NRXN3: variants seen among roughly 807,000 people sequenced by gnomAD.
NRXN3 encodes the protein neurexin 3.
NRXN3 carries 32 observed loss-of-function variants against 137.6 expected under a neutral mutation model. The observed-to-expected ratio is 0.23, with a 90% CI of 0.18 to 0.31. NRXN3 has a LOEUF of 0.31. Ranked by LOEUF, NRXN3 falls within the 10% of genes least tolerant of loss-of-function variation. The pLI is 1.00. For missense variants in NRXN3, 1,574 were observed against 2,062.5 expected, an observed-to-expected ratio of 0.76 and a Z score of 4.59; for synonymous variants, 798 against 784.5, an observed-to-expected ratio of 1.02 and a Z score of -0.29.
intron 15 of NRXN3, among the ~76,000 whole-genome samples, chr14:79,358,290 T>C (rs1231607831): frequency 1.3e-5 from 2 of 151,884 alleles, no homozygotes; most frequent in African/African-American, 4.8e-5. Flanking sequence ...TGGCCGGGCA[T>C]GGTGGCTCAC....
intron 15 of NRXN3, among the ~76,000 whole-genome samples, chr14:79,434,800 G>A (rs2095817822): frequency 6.6e-6 from 1 of 152,202 alleles, no homozygotes; most frequent in South Asian, 2.1e-4. Context: ...TAAAGCCTCA[G>A]CCAGTCCCAC....
At chr14:78,642,261 T>C (rs1295777890) in intron 4 of NRXN3, among the ~76,000 whole-genome samples, 1 of 152,220 alleles carries the variant, frequency 6.6e-6, no homozygotes, top group African/African-American at 2.4e-5. Context: ...GGCAACTCAC[T>C]TATTTCTAGT....
intron 19 of NRXN3, 44 bp downstream of exon 19, chr14:79,697,981 T>C: frequency 6.5e-7 from 1 of 1,527,446 alleles, no homozygotes; most frequent in African/African-American, 1.4e-5. Flanking sequence ...ATTTTTATCT[T>C]TGCAACATTG....
chr14:79,332,558 T>C (rs1029231935), intron 15 of NRXN3, among the ~76,000 whole-genome samples: 1 of 152,248 alleles, frequency 6.6e-6, no homozygotes, highest in Non-Finnish European at 1.5e-5. Flanking sequence ...TCTATCATTT[T>C]ATTGATTCTG....
intron 15 of NRXN3, chr14:79,072,633 G>A (rs2099689414): frequency 1.3e-5 from 2 of 152,148 alleles, no homozygotes; most frequent in East Asian, 1.9e-4. Context: ...CAACCAGTGT[G>A]ACTTAGCTGA....
At chr14:79,509,227 A>G (rs986782370) in intron 16 of NRXN3, among the ~76,000 whole-genome samples, 1 of 152,150 alleles carries the variant, frequency 6.6e-6, no homozygotes, top group African/African-American at 2.4e-5. Flanking sequence ...TGCTTTGTGC[A>G]TTTCAAAATT....
intron 1 of NRXN3, among the ~76,000 whole-genome samples, chr14:78,193,403 T>C (rs1483647495): frequency 6.6e-6 from 1 of 152,108 alleles, no homozygotes; most frequent in East Asian, 1.9e-4. Flanking sequence ...CATGAAAGGC[T>C]TTTAAAGAGT....
intron 4 of NRXN3, among the ~76,000 whole-genome samples, chr14:78,358,274 T>A (rs1235707609): frequency 6.6e-6 from 1 of 152,198 alleles, no homozygotes; most frequent in Non-Finnish European, 1.5e-5. Flanking sequence ...GTAAGTACCA[T>A]GTGTGGATTA....
intron 15 of NRXN3, among the ~76,000 whole-genome samples, chr14:79,039,100 GA>G (rs1250126930): frequency 6.6e-6 from 1 of 152,152 alleles, no homozygotes; most frequent in East Asian, 1.9e-4. Flanking sequence ...GTCTCCGAAA[GA>G]ACTCTTCATT....
chr14:78,985,101 C>T (rs957945528), intron 14 of NRXN3, among the ~76,000 whole-genome samples: 1 of 152,158 alleles, frequency 6.6e-6, no homozygotes, highest in South Asian at 2.1e-4. Context: ...TGTATTTGGT[C>T]CCTGATGAAC....
At chr14:79,433,140 T>C (rs1478769373) in intron 15 of NRXN3, among the ~76,000 whole-genome samples, 3 of 152,204 alleles carry the variant, frequency 2.0e-5, no homozygotes, top group Non-Finnish European at 4.4e-5. Flanking sequence ...GAGGGAAGAA[T>C]GTCTGCAGAA....
At chr14:79,384,696 G>A (rs138389397) in intron 15 of NRXN3, among the ~76,000 whole-genome samples, 184 of 152,152 alleles carry the variant, frequency 1.2e-3, no homozygotes, top group African/African-American at 4.1e-3. Flanking sequence ...TTAATAACAG[G>A]TTTCAATGCC....
chr14:79,153,215 T>A (rs1410043224), intron 15 of NRXN3, among the ~76,000 whole-genome samples: 1 of 151,994 alleles, frequency 6.6e-6, no homozygotes, highest in Non-Finnish European at 1.5e-5. Context: ...CTGCAATGTA[T>A]CTGTCTAAAG....
At chr14:79,443,713 A>G (rs577282369) in intron 15 of NRXN3, among the ~76,000 whole-genome samples, 1 of 152,320 alleles carries the variant, frequency 6.6e-6, no homozygotes, top group East Asian at 1.9e-4. Context: ...TTGGGGCAAG[A>G]AGGGTCCTGT....
At chr14:79,114,237 A>G (rs1291873381) in intron 15 of NRXN3, among the ~76,000 whole-genome samples, 1 of 152,224 alleles carries the variant, frequency 6.6e-6, no homozygotes, top group Non-Finnish European at 1.5e-5. Flanking sequence ...GTGCTGCTAA[A>G]CATCCTACAG....
intron 20 of NRXN3, among the ~76,000 whole-genome samples, chr14:79,859,368 G>T (rs2099409654): frequency 6.6e-6 from 1 of 152,194 alleles, no homozygotes; most frequent in Non-Finnish European, 1.5e-5. Context: ...TTGAAGGTAG[G>T]TATTAGCTTT....
intron 6 of NRXN3, among the ~76,000 whole-genome samples, chr14:78,680,282 G>T (rs542090646): frequency 1.8e-4 from 27 of 152,102 alleles, no homozygotes; most frequent in African/African-American, 6.3e-4. Flanking sequence ...TGAGTGCTAG[G>T]CTTAATACTT....
intron 4 of NRXN3, among the ~76,000 whole-genome samples, chr14:78,415,706 T>C (rs1443696505): frequency 1.3e-5 from 2 of 152,102 alleles, no homozygotes; most frequent in African/African-American, 2.4e-5. Flanking sequence ...CCCAGGGTGA[T>C]GGTGTTTGGA....
At chr14:79,433,511 G>GT (rs1555445683) in intron 15 of NRXN3, among the ~76,000 whole-genome samples, 9 of 152,130 alleles carry the variant, frequency 5.9e-5, no homozygotes, top group African/African-American at 1.9e-4. Flanking sequence ...ACTCACACTA[G>GT]TTTTTTAAAA....
Sources: gnomAD v4.1 joint callset for allele counts (sites outside exome capture counted in the v4.1 genomes callset) on GRCh38, gnomAD v4.1.1 for gene constraint, MANE v1.5 for transcripts, NCBI Gene and HGNC (gene_info 2026-07-23, HGNC 2026-07-21) for gene names.